CFLAR: variants seen among roughly 807,000 people sequenced by gnomAD.
The protein encoded by CFLAR is CASP8 and FADD like apoptosis regulator.
CFLAR carries 14 observed loss-of-function variants against 51.1 expected under a neutral mutation model. The observed-to-expected ratio is 0.27, with a 90% CI of 0.18 to 0.43. The LOEUF is 0.43. Ranked by LOEUF, CFLAR falls within the 20% of genes least tolerant of loss-of-function variation. CFLAR has a pLI of 1.00. For missense variants in CFLAR, 390 were observed against 566.5 expected (o/e 0.69, Z 3.16); for synonymous variants, 210 against 211.6 (o/e 0.99, Z 0.06).
chr2:201,163,207 T>C, intron 9 of CFLAR: 1 of 1,231,578 alleles, frequency 8.1e-7, no homozygotes, highest in Middle Eastern at 2.0e-4. Flanking sequence ...TGTTCAGATC[T>C]GGAAGGCTTT....
At position 201,158,409 on chromosome 2, in the gene CFLAR, TG is replaced by T. The variant is rs1255351432; in HGVS notation, c.794-2022del. ...TGGTGAAGTTTTCTTTCAAGGACTT[TG>T]TTTGATAAGGAAGGACATTTATCAG... is the stretch of plus-strand genomic sequence containing the variant. On this transcript the variant is annotated intron_variant, in intron 8 of 9. Coordinates refer to ENST00000309955, the MANE Select transcript of CFLAR (RefSeq NM_003879.7). 2.0e-5 allele frequency among the ~76,000 whole-genome samples: 3 copies of T among 152,182 alleles called. No homozygotes were observed. The East Asian group carries it at 5.8e-4, about 29-fold the overall frequency.
intron 4 of CFLAR, chr2:201,137,740 G>T: frequency 1.2e-6 from 1 of 811,518 alleles, no homozygotes; most frequent in Non-Finnish European, 2.2e-6. Context: ...AAGACATCCT[G>T]CGTGATCTTC....
chr2:201,148,817 G>C (rs571613334), intron 6 of CFLAR, 186 bp from the exon 7 acceptor site: 1 of 534,188 alleles, frequency 1.9e-6, no homozygotes, highest in South Asian at 2.2e-5. Flanking sequence ...TGGGACTTGT[G>C]TTTTCTTATG....
Position 201,166,280 on chromosome 2 carries a change from C to T in CFLAR, c.*2307C>T, listed in dbSNP as rs899449559. 25 of 147,818 alleles carry T rather than the reference C, an allele frequency of 1.7e-4. 1 individual carries two copies. The highest frequency in any genetic ancestry group is 3.2e-4 in the South Asian group (2 of 6,192). 9.2% of individuals were successfully genotyped at this position (147,818 alleles called of 1,614,324 possible). ...GGGGCTGACCCCCACGCCTCCCTCC[C>T]GGACGGGGCGGCTGCCAGGCGGAGG... On this transcript the variant is annotated 3_prime_UTR_variant, in exon 10 of 10. Coordinates refer to ENST00000309955, the MANE Select transcript of CFLAR (RefSeq NM_003879.7).
intron 4 of CFLAR, chr2:201,137,953 TG>T: frequency 4.0e-6 from 3 of 756,756 alleles, no homozygotes. Flanking sequence ...ACATGCCCCA[TG>T]GTCTGGATGC....
Position 201,172,317 on chromosome 2 carries a change from A to T in CFLAR, c.*8344A>T, listed in dbSNP as rs1944069505. ...CTTACTTTAGCAAGCAATGAACGTG[A>T]TGTAAACTATTGTTGATATAGTTTT... On this transcript the variant is annotated 3_prime_UTR_variant, in exon 10 of 10. Coordinates refer to ENST00000309955, the MANE Select transcript of CFLAR (RefSeq NM_003879.7). 6.6e-6 allele frequency: 1 copy of T among 152,246 alleles called. No individual in the cohort carries two copies. Among genetic ancestry groups the T allele is most frequent in the Admixed American group, 6.5e-5 (1 of 15,288 alleles). The allele number at this position is 152,246 out of a possible 1,614,324, so 9.4% of individuals were successfully genotyped here.
At chr2:201,146,131 TA>T (rs1256435878) in intron 6 of CFLAR, among the ~76,000 whole-genome samples, 2 of 151,926 alleles carry the variant, frequency 1.3e-5, no homozygotes, top group African/African-American at 4.8e-5. Flanking sequence ...CACACCCAGC[TA>T]ATTTTTTTCT....
In CFLAR at chr2:201,170,114, A is replaced by G. The variant is rs1156446692; in HGVS notation, c.*6141A>G. The G allele has an allele frequency of 6.6e-6, 1 of 152,248 alleles. No homozygotes were observed. The highest frequency in any genetic ancestry group is 2.4e-5 in the African/African-American group (1 of 41,470). 9.4% of individuals were successfully genotyped at this position (152,248 alleles called of 1,614,324 possible). A position where few individuals can be genotyped will look rare whatever the true frequency, so the allele number is the denominator to read the frequency against. On this transcript the variant is annotated 3_prime_UTR_variant, in exon 10 of 10. Transcript: ENST00000309955. ...CAATCCCATTACTGGGTATATACCCAAAGGAATATAAACCATTTTATTATA... is the reference window on the plus strand; with the variant it reads ...CAATCCCATTACTGGGTATATACCCGAAGGAATATAAACCATTTTATTATA...
rs543105065 is a variant in CFLAR at position 201,175,779 on chromosome 2, C to G, written c.*11806C>G. The stretch of plus-strand genomic sequence containing the variant: ...AGGGGCATAAGGCAGAAGGAGGGAC[C>G]GAGGCAAGTTTCAGAGCAACAGTGA... On this transcript the variant is annotated 3_prime_UTR_variant, in exon 10 of 10. Coordinates refer to ENST00000309955, the MANE Select transcript of CFLAR (RefSeq NM_003879.7). 2 of 151,984 alleles carry G rather than the reference C, an allele frequency of 1.3e-5. No individual in the cohort carries two copies. The highest frequency in any genetic ancestry group is 3.9e-4 in the East Asian group (2 of 5,140). The allele number at this position is 151,984 out of a possible 1,614,324, so 9.4% of individuals were successfully genotyped here.
chr2:201,138,738 A>G lies in CFLAR; in HGVS notation c.524-1619A>G. 1 of 777,418 alleles carries G rather than the reference A, an allele frequency of 1.3e-6. No homozygotes were observed. Among genetic ancestry groups the G allele is most frequent in the South Asian group, 1.3e-5 (1 of 74,676 alleles). The allele number at this position is 777,418 out of a possible 1,614,324, so 48.2% of individuals were successfully genotyped here. On this transcript the variant is annotated intron_variant, in intron 4 of 9. Coordinates refer to ENST00000309955, the MANE Select transcript of CFLAR (RefSeq NM_003879.7). This position sits in a 1 kb window ranked among gnomAD's most constrained non-coding sequence, Gnocchi z 4.0. ...GATAAAGCCCGGTTCAAACTTCTTG[A>G]CCTTCTGCACCTCACTGGCCTGGAA... is the stretch of plus-strand genomic sequence containing the variant.
At position 201,176,175 on chromosome 2, in the gene CFLAR, T is replaced by C. The variant is rs1307693599; in HGVS notation, c.*12202T>C. ...AGGTGCAGGGCTTGCCCTCTTGACTTGGGGTTTTATATGCTGGCATACTTC... is the reference window on the plus strand; with the variant it reads ...AGGTGCAGGGCTTGCCCTCTTGACTCGGGGTTTTATATGCTGGCATACTTC... On this transcript the variant is annotated 3_prime_UTR_variant, in exon 10 of 10. Transcript: ENST00000309955. 1 of 151,540 alleles carries C rather than the reference T, an allele frequency of 6.6e-6. No homozygotes were observed. Among genetic ancestry groups the C allele is most frequent in the Non-Finnish European group, 1.5e-5 (1 of 67,984 alleles). The allele number at this position is 151,540 out of a possible 1,614,324, so 9.4% of individuals were successfully genotyped here.
At chr2:201,145,497 C>G (rs1939946893) in intron 6 of CFLAR, 65 bp downstream of exon 6, 5 of 1,047,332 alleles carry the variant, frequency 4.8e-6, no homozygotes, top group Non-Finnish European at 4.4e-6. Context: ...ACAAATATTG[C>G]ATTTTTAGAG....
Position 201,121,516 on chromosome 2 carries a change from A to G in CFLAR, c.-138+5035A>G, listed in dbSNP as rs561635821. ...GGTGATGAGACTGAAGCAAGTGGGG[A>G]ATTTTTATTTTCTTCTCTACTTTTC... On this transcript the variant is annotated intron_variant, in intron 1 of 9. Coordinates refer to ENST00000309955, the MANE Select transcript of CFLAR (RefSeq NM_003879.7). 3.2e-4 allele frequency among the ~76,000 whole-genome samples: 49 copies of G among 152,280 alleles called. 1 individual carries two copies. The highest frequency in any genetic ancestry group is 1.0e-3 in the African/African-American group (42 of 41,558).
chr2:201,147,919 C>A (rs1440291681), intron 6 of CFLAR: 1 of 152,230 alleles, frequency 6.6e-6, no homozygotes, highest in East Asian at 1.9e-4. Flanking sequence ...TTAATTTGGA[C>A]TTCCAAATAG....
At position 201,171,291 on chromosome 2, in the gene CFLAR, A is replaced by G. The variant is rs1053149140; in HGVS notation, c.*7318A>G. 6.6e-6 allele frequency: 1 copy of G among 151,908 alleles called. No homozygotes were observed. The highest frequency in any genetic ancestry group is 1.5e-5 in the Non-Finnish European group (1 of 67,988). The allele number at this position is 151,908 out of a possible 1,614,324, so 9.4% of individuals were successfully genotyped here. A position where few individuals can be genotyped will look rare whatever the true frequency, so the allele number is the denominator to read the frequency against. ...ACCAGATACCACCTGTTCCCCAAACACCTATGGAAATAATTTTGTTTTTTT... is the reference window on the plus strand; with the variant it reads ...ACCAGATACCACCTGTTCCCCAAACGCCTATGGAAATAATTTTGTTTTTTT... On this transcript the variant is annotated 3_prime_UTR_variant, in exon 10 of 10. Transcript: ENST00000309955.
Position 201,166,207 on chromosome 2 carries a change from G to A in CFLAR, c.*2234G>A, listed in dbSNP as rs556644104. On this transcript the variant is annotated 3_prime_UTR_variant, in exon 10 of 10. Coordinates refer to ENST00000309955, the MANE Select transcript of CFLAR (RefSeq NM_003879.7). ...TCCCGGACGGGATAGCTGGCCGGGC[G>A]GGGGCTGACCCCCCACCTCCCTCCC... The A allele has an allele frequency of 3.1e-3, 485 of 158,758 alleles. 3 individuals are homozygous for A. The highest frequency in any genetic ancestry group is 0.011 in the African/African-American group (453 of 41,190). The allele number at this position is 158,758 out of a possible 1,614,324, so 9.8% of individuals were successfully genotyped here.
Position 201,141,565 on chromosome 2 carries a change from A to C in CFLAR, c.606+1126A>C. 7 of 1,318,672 alleles carry C rather than the reference A, an allele frequency of 5.3e-6. No individual in the cohort carries two copies. In the South Asian group the frequency reaches 1.5e-4, roughly 29 times the overall value. 81.7% of individuals were successfully genotyped at this position (1,318,672 alleles called of 1,614,324 possible). On this transcript the variant is annotated intron_variant, in intron 5 of 9. Coordinates refer to ENST00000309955, the MANE Select transcript of CFLAR (RefSeq NM_003879.7). ...GCTTTCCAATCTTTTGTTACTACTA[A>C]TAATGCTATAAAATAAATATCCTTG...
chr2:201,155,041 A>G (rs1941922724), intron 8 of CFLAR, among the ~76,000 whole-genome samples: 1 of 152,238 alleles, frequency 6.6e-6, no homozygotes, highest in Non-Finnish European at 1.5e-5. Flanking sequence ...GAATTGAAAA[A>G]TAAGTCTTTG....
Position 201,173,984 on chromosome 2 carries a change from A to G in CFLAR, c.*10011A>G, listed in dbSNP as rs896452029. ...ACCACACCCGGTGGGTTGTCTTTTT[A>G]TTGTTGAGTTGTAAGCATTCTTTTT... On this transcript the variant is annotated 3_prime_UTR_variant, in exon 10 of 10. Transcript: ENST00000309955. The G allele has an allele frequency of 6.6e-6, 1 of 152,096 alleles. No individual in the cohort carries two copies. The highest frequency in any genetic ancestry group is 1.5e-5 in the Non-Finnish European group (1 of 68,012). 9.4% of individuals were successfully genotyped at this position (152,096 alleles called of 1,614,324 possible). A position where few individuals can be genotyped will look rare whatever the true frequency, so the allele number is the denominator to read the frequency against.
Sources: allele counts gnomAD v4.1 joint callset (sites outside exome capture counted in the v4.1 genomes callset), GRCh38; gene constraint gnomAD v4.1.1; non-coding constraint Gnocchi (gnomAD v3.1); transcripts MANE v1.5; gene names NCBI Gene and HGNC (gene_info 2026-07-23, HGNC 2026-07-21).